Variants in PRAME observed in about 807,000 individuals in gnomAD.
The protein encoded by PRAME is PRAME nuclear receptor transcriptional regulator, also known as melanoma antigen preferentially expressed in tumors.
PRAME carries 21 observed loss-of-function variants against 32.1 expected under a neutral mutation model. That is an observed-to-expected ratio of 0.65 (90% CI 0.46 to 0.94). PRAME has a LOEUF of 0.94. PRAME is among the 40% of genes least tolerant of loss of function. The pLI, the probability that PRAME is intolerant of heterozygous loss-of-function variation, is 0.00. For synonymous variants in PRAME, 274 were observed against 251.5 expected (o/e 1.09, Z -0.85); for missense variants, 651 against 622.3 (o/e 1.05, Z -0.49).
At chr22:22,553,969 T>C in intron 3 of PRAME, 1 of 985,242 alleles carries the variant, frequency 1.0e-6, no homozygotes, top group Non-Finnish European at 1.2e-6. Flanking sequence ...AGAAAACAGC[T>C]GTTCTTTCTT....
At chr22:22,554,676 A>T (rs2062796033) in intron 3 of PRAME, among the ~76,000 whole-genome samples, 1 of 151,942 alleles carries the variant, frequency 6.6e-6, no homozygotes, top group Non-Finnish European at 1.5e-5. Context: ...TGTCTGGGGA[A>T]GAACCTGCTC....
Position 22,550,162 on chromosome 22 carries a change from T to G in PRAME, c.517A>C (p.Ile173Leu). 6.2e-7 allele frequency: 1 copy of G among 1,613,892 alleles called. No individual in the cohort carries two copies. Among genetic ancestry groups the G allele is most frequent in the Non-Finnish European group, 8.5e-7 (1 of 1,179,986 alleles). ...AGGTCTACGAGCACCTCTACTGGAA[T>G]GAAGGGCTGCTCTGCCTCTGTGCTC... ...GLSTEAEQPF[I>L]PVEVLVDLFL... is the part of the protein sequence containing the mutation. The change falls in exon 5 of 6, where the codon ATT (isoleucine) becomes CTT (leucine). Residue 173 changes from isoleucine to leucine, a missense_variant. By Grantham distance (5) the Ile-to-Leu change is conservative (BLOSUM62 2). Transcript: ENST00000405655.
chr22:22,550,696 T>A, intron 4 of PRAME, 71 bp downstream of exon 4: 5 of 1,474,588 alleles, frequency 3.4e-6, no homozygotes, highest in Non-Finnish European at 4.6e-6. Flanking sequence ...AGGCGCTCCA[T>A]GCTCCCTGAC....
At chr22:22,555,875 C>G (rs1240389928) in intron 3 of PRAME, 1 of 470,858 alleles carries the variant, frequency 2.1e-6, no homozygotes, top group Admixed American at 2.4e-5. Flanking sequence ...AGATCAAAGC[C>G]TCCTGGAGCT....
chr22:22,554,066 G>C, intron 3 of PRAME: 1 of 984,154 alleles, frequency 1.0e-6, no homozygotes, highest in Non-Finnish European at 1.2e-6. Flanking sequence ...CTATTTCCAT[G>C]CTAGGCACAG....
rs757996613 is a variant in PRAME at position 22,548,236 on chromosome 22, G to C, written c.1361C>G (p.Thr454Ser). 6.2e-7 allele frequency: 1 copy of C among 1,613,728 alleles called. No homozygotes were observed. The highest frequency in any genetic ancestry group is 1.3e-5 in the African/African-American group (1 of 74,862). The change falls in exon 6 of 6, where the codon ACC (threonine) becomes AGC (serine). Residue 454 changes from threonine to serine, a missense_variant. By Grantham distance (58) the Thr-to-Ser change is moderately conservative (BLOSUM62 1). Transcript: ENST00000405655. ...ATAGGCAAGCCTCTCCAGGTGGAGG[G>C]TACCATGGATGTCCTCATAACTCTC... ...PLESYEDIHG[T>S]LHLERLAYLH... is the part of the protein sequence containing the mutation.
intron 3 of PRAME, chr22:22,553,036 C>A: frequency 2.3e-6 from 1 of 427,772 alleles, no homozygotes. Flanking sequence ...ACTTCAGGTT[C>A]AACTGATTGA....
intron 3 of PRAME, among the ~76,000 whole-genome samples, chr22:22,556,471 C>T (rs943955035): frequency 1.3e-5 from 2 of 150,930 alleles, no homozygotes; most frequent in East Asian, 2.1e-4. Flanking sequence ...CCACCACGCC[C>T]GGCTAACTTT....
rs543937058 is a variant in PRAME, at chr22:22,554,129, G to A, written c.21+2683C>T. On this transcript the variant is annotated intron_variant, in intron 3 of 5. Coordinates refer to ENST00000405655, the MANE Select transcript of PRAME (RefSeq NM_206956.3). ...AATTGAAGTTATATTTGGCATTTAA[G>A]GATCTGCTTAGGGATGATTCCTATC... 22 of 985,102 alleles carry A rather than the reference G, an allele frequency of 2.2e-5. No homozygotes were observed. In the African/African-American group the frequency reaches 3.7e-4, roughly 16 times the overall value. The allele number at this position is 985,102 out of a possible 1,614,324, so 61.0% of individuals were successfully genotyped here. A position where few individuals can be genotyped will look rare whatever the true frequency, so the allele number is the denominator to read the frequency against.
chr22:22,553,086 A>T (rs185700484), intron 3 of PRAME: 346 of 372,262 alleles, frequency 9.3e-4, no homozygotes, highest in African/African-American at 6.6e-3. Context: ...AAAAGTGAAC[A>T]AAACCACCCA....
intron 3 of PRAME, chr22:22,553,822 C>T (rs2062743169): frequency 1.0e-6 from 1 of 985,176 alleles, no homozygotes; most frequent in Non-Finnish European, 1.2e-6. Context: ...AAGAAGTTGT[C>T]AGAAGACCTT....
chr22:22,547,992 T>C lies in PRAME; in HGVS notation c.*75A>G, dbSNP rs2062342542. The C allele has an allele frequency of 4.9e-6, 7 of 1,438,980 alleles. No homozygotes were observed. Among genetic ancestry groups the C allele is most frequent in the Admixed American group, 2.1e-5 (1 of 46,576 alleles). 89.1% of individuals were successfully genotyped at this position (1,438,980 alleles called of 1,614,324 possible). ...TTTGTCTGAAACTGTGGCTGCTTTG[T>C]TGCTTCAAGATGCATGCACATCCTG... On this transcript the variant is annotated 3_prime_UTR_variant, in exon 6 of 6. Coordinates refer to ENST00000405655, the MANE Select transcript of PRAME (RefSeq NM_206956.3).
chr22:22,553,666 G>A (rs1348069577), intron 3 of PRAME, among the ~76,000 whole-genome samples: 1 of 151,936 alleles, frequency 6.6e-6, no homozygotes, highest in Non-Finnish European at 1.5e-5. Context: ...TAGGAATGTG[G>A]GCTGGAGAGG....
At chr22:22,555,929 T>C (rs1200338843) in intron 3 of PRAME, 2 of 469,928 alleles carry the variant, frequency 4.3e-6, no homozygotes, top group Non-Finnish European at 4.4e-6. Context: ...TTGCGTCTGA[T>C]TACCCCGGGG....
chr22:22,555,701 C>A, intron 3 of PRAME: 1 of 367,452 alleles, frequency 2.7e-6, no homozygotes, highest in Non-Finnish European at 5.8e-6. Flanking sequence ...CGCACTGTGC[C>A]GTCCTTGAGC....
At chr22:22,553,453 C>T (rs140760117) in intron 3 of PRAME, among the ~76,000 whole-genome samples, 5 of 151,656 alleles carry the variant, frequency 3.3e-5, no homozygotes, top group East Asian at 3.9e-4. Context: ...TTTTTGGGGG[C>T]GGAATTGAAA....
At chr22:22,558,776 C>G (rs1216398532) in intron 1 of PRAME, among the ~76,000 whole-genome samples, 195 bp downstream of exon 1, 5 of 151,348 alleles carry the variant, frequency 3.3e-5, no homozygotes, top group African/African-American at 1.2e-4. Flanking sequence ...GTGCTTCTGG[C>G]GACCTCCCTT....
intron 3 of PRAME, chr22:22,555,936 G>A (rs752281816): frequency 2.3e-5 from 11 of 468,854 alleles, no homozygotes; most frequent in African/African-American, 1.0e-4. Flanking sequence ...TGATTACCCC[G>A]GGGAAAGGTT....
rs771134984 is a variant in PRAME at position 22,550,173 on chromosome 22, T to G, written c.506A>C (p.Glu169Ala). The change falls in exon 5 of 6, where the codon GAG (glutamate) becomes GCG (alanine). Residue 169 changes from glutamate to alanine, a missense_variant. Physicochemically the swap from Glu to Ala is moderately radical, Grantham distance 107. Transcript: ENST00000405655. ...CACCTCTACTGGAATGAAGGGCTGC[T>G]CTGCCTCTGTGCTCAAACCATCTAC... ...RKVDGLSTEA[E>A]QPFIPVEVLV... The G allele has an allele frequency of 1.3e-5, 21 of 1,613,804 alleles. No individual in the cohort carries two copies. The highest frequency in any genetic ancestry group is 1.7e-5 in the Non-Finnish European group (20 of 1,179,990).
Sources: allele counts gnomAD v4.1 joint callset (sites outside exome capture counted in the v4.1 genomes callset), GRCh38; gene constraint gnomAD v4.1.1; transcripts MANE v1.5; gene names NCBI Gene and HGNC (gene_info 2026-07-23, HGNC 2026-07-21).